Variants in ETV5 observed in about 807,000 individuals in gnomAD.
ETV5 encodes ETS variant transcription factor 5.
Under a neutral mutation model 70.0 loss-of-function variants are expected in ETV5, and 10 were observed. That is an observed-to-expected ratio of 0.14 (90% CI 0.09 to 0.24). ETV5 has a LOEUF of 0.24. ETV5 is among the 10% of genes least tolerant of loss of function. The pLI, the probability that ETV5 is intolerant of heterozygous loss-of-function variation, is 1.00. For synonymous variants in ETV5, 216 were observed against 242.2 expected (o/e 0.89, Z 1.01); for missense variants, 453 against 651.2 (o/e 0.70, Z 3.31).
At chr3:186,096,040 G>T (rs911998705) in intron 5 of ETV5, among the ~76,000 whole-genome samples, 1 of 152,150 alleles carries the variant, frequency 6.6e-6, no homozygotes, top group African/African-American at 2.4e-5. Context: ...TGTTTCAATA[G>T]GCATAAAAAT....
chr3:186,106,580 T>C (rs1714593495), intron 1 of ETV5, among the ~76,000 whole-genome samples: 2 of 152,224 alleles, frequency 1.3e-5, no homozygotes, highest in Non-Finnish European at 2.9e-5. Flanking sequence ...TACAGAGATA[T>C]TTGTGACATC....
chr3:186,087,697 A>G (rs541526245), intron 5 of ETV5, among the ~76,000 whole-genome samples: 38 of 152,330 alleles, frequency 2.5e-4, no homozygotes, highest in African/African-American at 9.1e-4. Flanking sequence ...TACTGCCCAC[A>G]AGTACAGGCC....
In ETV5 at chr3:186,054,442, A is replaced by C. The variant is rs1713108374; in HGVS notation, c.1210-2311T>G. Among the ~76,000 whole-genome samples, 1 of 152,152 alleles carries C rather than the reference A, an allele frequency of 6.6e-6. No homozygotes were observed. The highest frequency in any genetic ancestry group is 2.4e-5 in the African/African-American group (1 of 41,436). ...GCAGCAGTTATCTGCCACATGTTCA[A>C]CAAACAACCCTACCCCCCAAAATAT... On this transcript the variant is annotated intron_variant, in intron 11 of 12. Coordinates refer to ENST00000306376, the MANE Select transcript of ETV5 (RefSeq NM_004454.3). The surrounding 1 kb of genome is among the most constrained non-coding windows in gnomAD (Gnocchi z 4.4).
chr3:186,052,183 T>C lies in ETV5; in HGVS notation c.1210-52A>G, dbSNP rs764230345. 1.3e-6 allele frequency: 2 copies of C among 1,554,632 alleles called. No individual in the cohort carries two copies. Among genetic ancestry groups the C allele is most frequent in the East Asian group, 2.3e-5 (1 of 44,416 alleles). ...ATGGAAACGCATTCCCTGGGCCCCA[T>C]GTTCTCTCCCAATCCCAGCAGAGCC... On this transcript the variant is annotated intron_variant, in intron 11 of 12. Coordinates refer to ENST00000306376, the MANE Select transcript of ETV5 (RefSeq NM_004454.3). The surrounding 1 kb of genome is among the most constrained non-coding windows in gnomAD (Gnocchi z 4.5).
rs972222211 is a variant in ETV5 at position 186,058,985 on chromosome 3, C to T, written c.971-1494G>A. ...TGGAGATCACGCTATTGTACTCCTG[C>T]CTGTGCAACAGAGAGAGGCTCTGTC... On this transcript the variant is annotated intron_variant, in intron 9 of 12. Transcript: ENST00000306376. Among the ~76,000 whole-genome samples, 11 of 149,140 alleles carry T rather than the reference C, an allele frequency of 7.4e-5. 1 individual carries two copies. The highest frequency in any genetic ancestry group is 2.7e-4 in the African/African-American group (11 of 40,318).
intron 5 of ETV5, among the ~76,000 whole-genome samples, chr3:186,092,772 C>T (rs916577541): frequency 2.0e-5 from 3 of 152,062 alleles, no homozygotes; most frequent in South Asian, 2.1e-4. Context: ...GAACTGGTAC[C>T]GAGAAGCAGT....
At chr3:186,062,557 C>T (rs941455354) in intron 9 of ETV5, among the ~76,000 whole-genome samples, 22 of 152,112 alleles carry the variant, frequency 1.4e-4, no homozygotes, top group Admixed American at 4.6e-4. Flanking sequence ...GGGAGGCAGA[C>T]GTTGCAATGA....
intron 5 of ETV5, among the ~76,000 whole-genome samples, chr3:186,095,605 C>T (rs1378603637): frequency 1.3e-5 from 2 of 152,216 alleles, no homozygotes; most frequent in Non-Finnish European, 2.9e-5. Context: ...TCAGCAAGTA[C>T]GTCAAGGGTG....
intron 7 of ETV5, chr3:186,078,959 A>AAT: frequency 1.5e-6 from 1 of 657,596 alleles, no homozygotes; most frequent in Non-Finnish European, 2.0e-6. Flanking sequence ...ATACTCATAT[A>AAT]TTCTTCCCAC....
At chr3:186,102,471 A>G (rs1338067055) in intron 5 of ETV5, among the ~76,000 whole-genome samples, 1 of 151,908 alleles carries the variant, frequency 6.6e-6, no homozygotes, top group Non-Finnish European at 1.5e-5. Flanking sequence ...CGTCTCTACT[A>G]AAAATACAAA....
chr3:186,078,258 G>A, intron 7 of ETV5: 1 of 989,540 alleles, frequency 1.0e-6, no homozygotes, highest in Non-Finnish European at 1.2e-6. Flanking sequence ...TTAGATAAAG[G>A]AATTTTCTTT....
chr3:186,067,500 T>C (rs998843505), intron 7 of ETV5, among the ~76,000 whole-genome samples: 1 of 151,984 alleles, frequency 6.6e-6, no homozygotes, highest in East Asian at 1.9e-4. Context: ...TAATCCCAGC[T>C]ACTCAGGAGG....
chr3:186,079,164 T>G, intron 7 of ETV5: 6 of 871,070 alleles, frequency 6.9e-6, no homozygotes, highest in Non-Finnish European at 7.1e-6. Context: ...GATTCTAGAA[T>G]ACCACAGATA....
At chr3:186,051,730 C>A (rs1277679115) in intron 12 of ETV5, among the ~76,000 whole-genome samples, 1 of 152,126 alleles carries the variant, frequency 6.6e-6, no homozygotes, top group Non-Finnish European at 1.5e-5. Flanking sequence ...CAACAGTTGG[C>A]CTAAGTTTCT....
At position 186,105,405 on chromosome 3, in the gene ETV5, A is replaced by C. The variant is rs202029845; in HGVS notation, c.181+44T>G. ...ACCTTTAAGTTTTATTAAAAAGCAC[A>C]GTAAAATGTTTTATATGGAAAATAG... On this transcript the variant is annotated intron_variant, in intron 4 of 12. Coordinates refer to ENST00000306376, the MANE Select transcript of ETV5 (RefSeq NM_004454.3). This position sits in a 1 kb window ranked among gnomAD's most constrained non-coding sequence, Gnocchi z 4.5. The C allele has an allele frequency of 6.2e-7, 1 of 1,612,438 alleles. No homozygotes were observed. The highest frequency in any genetic ancestry group is 1.3e-5 in the African/African-American group (1 of 74,922).
chr3:186,103,932 C>T (rs1714526120), intron 5 of ETV5, among the ~76,000 whole-genome samples: 1 of 152,132 alleles, frequency 6.6e-6, no homozygotes, highest in Admixed American at 6.5e-5. Flanking sequence ...TTGGAATACC[C>T]AACTTTTTAC....
intron 1 of ETV5, among the ~76,000 whole-genome samples, chr3:186,106,500 C>A (rs1229718603): frequency 6.6e-6 from 1 of 152,172 alleles, no homozygotes; most frequent in African/African-American, 2.4e-5. Flanking sequence ...TCTTCACACA[C>A]AACTCTTTAT....
At chr3:186,093,623 T>C (rs1714237964) in intron 5 of ETV5, among the ~76,000 whole-genome samples, 1 of 152,210 alleles carries the variant, frequency 6.6e-6, no homozygotes, top group Non-Finnish European at 1.5e-5. Flanking sequence ...GGGAGGTTAC[T>C]GTCTAACATG....
intron 9 of ETV5, among the ~76,000 whole-genome samples, chr3:186,061,579 A>G (rs1274455141): frequency 6.6e-6 from 1 of 152,186 alleles, no homozygotes; most frequent in Non-Finnish European, 1.5e-5. Context: ...GGAGAAATAC[A>G]CTTGAGAAAA....
Sources: gnomAD v4.1 joint callset for allele counts (sites outside exome capture counted in the v4.1 genomes callset) on GRCh38, gnomAD v4.1.1 for gene constraint, Gnocchi (gnomAD v3.1) non-coding constraint, MANE v1.5 for transcripts, NCBI Gene and HGNC (gene_info 2026-07-23, HGNC 2026-07-21) for gene names.